Variants in PLCG2 observed in about 807,000 individuals in gnomAD.
PLCG2 encodes the protein phospholipase C gamma 2.
A neutral mutation model predicts 175.6 loss-of-function variants in PLCG2; 69 were observed. The ratio of observed to expected loss-of-function variants is 0.39; its 90% CI spans 0.32 to 0.48. The LOEUF is 0.48. Ranked by LOEUF, PLCG2 falls within the 20% of genes least tolerant of loss-of-function variation. PLCG2 has a pLI of 0.91. For missense variants in PLCG2, 1,798 were observed against 1,650.9 expected (o/e 1.09, Z -1.54); for synonymous variants, 827 against 624.0 (o/e 1.33, Z -4.85).
At chr16:81,906,962 C>T (rs1011262918) in intron 15 of PLCG2, among the ~76,000 whole-genome samples, 27 of 150,060 alleles carry the variant, frequency 1.8e-4, no homozygotes, top group Admixed American at 9.3e-4. Context: ...TACTTGAACC[C>T]GGGAGGCGGA....
At chr16:81,748,193 T>G (rs926656483) in intron 1 of PLCG2, among the ~76,000 whole-genome samples, 1 of 152,032 alleles carries the variant, frequency 6.6e-6, no homozygotes, top group Admixed American at 6.6e-5. Context: ...TAGTTTGAGA[T>G]AGCCTGGCCA....
At chr16:81,825,019 G>T (rs1203006004) in intron 2 of PLCG2, among the ~76,000 whole-genome samples, 1 of 152,190 alleles carries the variant, frequency 6.6e-6, no homozygotes, top group Non-Finnish European at 1.5e-5. Context: ...AAGAAATGCA[G>T]GTGGCCTCTA....
chr16:81,793,172 A>G (rs527641367), intron 2 of PLCG2, among the ~76,000 whole-genome samples: 2 of 152,242 alleles, frequency 1.3e-5, no homozygotes, highest in African/African-American at 4.8e-5. Context: ...ATTGCTTTCC[A>G]GGGGTGTTGG....
At chr16:81,943,471 T>G (rs1911033622) in intron 30 of PLCG2, among the ~76,000 whole-genome samples, 1 of 152,108 alleles carries the variant, frequency 6.6e-6, no homozygotes, top group Admixed American at 6.5e-5. Context: ...TCCACCCCCA[T>G]TATCCAGTCA....
intron 22 of PLCG2, among the ~76,000 whole-genome samples, chr16:81,926,060 G>A (rs1455316989): frequency 6.6e-6 from 1 of 150,454 alleles, no homozygotes; most frequent in Non-Finnish European, 1.5e-5. Context: ...CCGTGGGAGA[G>A]GAAATGCCCA....
chr16:81,958,524 T>C lies in PLCG2; in HGVS notation c.*526T>C, dbSNP rs1181444170. 1 of 231,858 alleles carries C rather than the reference T, an allele frequency of 4.3e-6. No homozygotes were observed. The allele number at this position is 231,858 out of a possible 1,614,324, so 14.4% of individuals were successfully genotyped here. A position where few individuals can be genotyped will look rare whatever the true frequency, so the allele number is the denominator to read the frequency against. On this transcript the variant is annotated 3_prime_UTR_variant, in exon 33 of 33. Coordinates refer to ENST00000564138, the MANE Select transcript of PLCG2 (RefSeq NM_002661.5). ...GCAGCCTGCTCAGTTCAATGTACTTTAACTACCACCGGCTGCCTGCTGCAG... is the reference window on the plus strand; with the variant it reads ...GCAGCCTGCTCAGTTCAATGTACTTCAACTACCACCGGCTGCCTGCTGCAG...
At chr16:81,858,973 C>G (rs780092483) in intron 4 of PLCG2, 143 bp from the exon 5 acceptor site, 68 of 550,062 alleles carry the variant, frequency 1.2e-4, no homozygotes, top group Non-Finnish European at 2.0e-4. Flanking sequence ...AAACTGCTTC[C>G]CAAGCTGCCC....
At chr16:81,745,447 T>G (rs1597300967) in intron 1 of PLCG2, among the ~76,000 whole-genome samples, 1 of 152,302 alleles carries the variant, frequency 6.6e-6, no homozygotes, top group African/African-American at 2.4e-5. Flanking sequence ...ACAACGACTA[T>G]AACTCAGGGT....
At chr16:81,916,074 T>A (rs974928566) in intron 19 of PLCG2, among the ~76,000 whole-genome samples, 1 of 152,200 alleles carries the variant, frequency 6.6e-6, no homozygotes, top group Non-Finnish European at 1.5e-5. Context: ...ATTCTATTTT[T>A]AGAAAATACA....
At chr16:81,870,960 T>C (rs920888046) in intron 7 of PLCG2, 25 bp downstream of exon 7, 3 of 1,254,078 alleles carry the variant, frequency 2.4e-6, no homozygotes, top group African/African-American at 3.0e-5. Context: ...GAGCAAGTGA[T>C]CAAGTGATGT....
intron 22 of PLCG2, among the ~76,000 whole-genome samples, chr16:81,925,871 G>A (rs1037109000): frequency 7.3e-6 from 1 of 137,618 alleles, no homozygotes; most frequent in African/African-American, 2.8e-5. Flanking sequence ...GGGGGACAGA[G>A]TGAGACTCTG....
chr16:81,913,679 C>T (rs1909726638), intron 19 of PLCG2, among the ~76,000 whole-genome samples: 6 of 152,226 alleles, frequency 3.9e-5, no homozygotes, highest in African/African-American at 2.4e-5. Flanking sequence ...GCAGTGGATG[C>T]TCTGGGCCTG....
chr16:81,928,808 A>G, intron 24 of PLCG2, 184 bp downstream of exon 24: 1 of 546,934 alleles, frequency 1.8e-6, no homozygotes, highest in African/African-American at 1.9e-5. Flanking sequence ...TCTGCTATTA[A>G]TCTCTACTAA....
intron 3 of PLCG2, among the ~76,000 whole-genome samples, chr16:81,855,068 G>A (rs555153836): frequency 1.3e-5 from 2 of 152,034 alleles, no homozygotes; most frequent in South Asian, 4.2e-4. Context: ...AAACTAGCTG[G>A]GTGTGGTGGT....
intron 9 of PLCG2, among the ~76,000 whole-genome samples, chr16:81,886,698 C>T (rs1908383500): frequency 6.6e-6 from 1 of 152,136 alleles, no homozygotes; most frequent in Non-Finnish European, 1.5e-5. Flanking sequence ...TGACTGGGAC[C>T]ACTTACTTAA....
intron 2 of PLCG2, among the ~76,000 whole-genome samples, chr16:81,829,025 AATG>A (rs906342921): frequency 1.1e-3 from 160 of 152,196 alleles, no homozygotes; most frequent in African/African-American, 3.7e-3. Flanking sequence ...CCTGGCTTTT[AATG>A]ATGACAAGGA....
chr16:81,759,892 C>T (rs996041869), intron 2 of PLCG2, among the ~76,000 whole-genome samples: 12 of 152,026 alleles, frequency 7.9e-5, no homozygotes, highest in African/African-American at 1.9e-4. Flanking sequence ...TTTGGGAGGC[C>T]GAGGCGGGCA....
At chr16:81,956,485 A>G (rs1440849598) in intron 31 of PLCG2, among the ~76,000 whole-genome samples, 1 of 152,216 alleles carries the variant, frequency 6.6e-6, no homozygotes, top group Non-Finnish European at 1.5e-5. Context: ...GTAAAGACCA[A>G]GCACTTTTTA....
In PLCG2 at chr16:81,959,362, G is replaced by C. The variant is rs147185577; in HGVS notation, c.*1364G>C. The C allele has an allele frequency of 2.9e-4, 64 of 221,944 alleles. No individual in the cohort carries two copies. The highest frequency in any genetic ancestry group is 1.4e-3 in the African/African-American group (64 of 44,820). 13.7% of individuals were successfully genotyped at this position (221,944 alleles called of 1,614,324 possible). A position where few individuals can be genotyped will look rare whatever the true frequency, so the allele number is the denominator to read the frequency against. On this transcript the variant is annotated 3_prime_UTR_variant, in exon 33 of 33. Coordinates refer to ENST00000564138, the MANE Select transcript of PLCG2 (RefSeq NM_002661.5). ...AGCAGGGCAGAACAAATCAGGCTCT[G>C]ACCAGAAGATCCTTCTGGTCCCTTC...
Sources: allele counts gnomAD v4.1 joint callset (sites outside exome capture counted in the v4.1 genomes callset), GRCh38; gene constraint gnomAD v4.1.1; transcripts MANE v1.5; gene names NCBI Gene and HGNC (gene_info 2026-07-23, HGNC 2026-07-21).